MGMT: variants seen among roughly 807,000 people sequenced by gnomAD.
The protein encoded by MGMT is methylated-DNA--protein-cysteine methyltransferase.
Under a neutral mutation model 15.9 loss-of-function variants are expected in MGMT, and 14 were observed. That is an observed-to-expected ratio of 0.88 (90% confidence interval 0.58 to 1.37). MGMT has a LOEUF of 1.37. Among genes scored for constraint, MGMT ranks in the 40% most tolerant of loss-of-function variants. The pLI is 0.00. For synonymous variants in MGMT, 130 were observed against 118.2 expected, an observed-to-expected ratio of 1.10 and a Z score of -0.65; for missense variants, 282 against 268.1, an observed-to-expected ratio of 1.05 and a Z score of -0.36.
chr10:129,743,588 G>A (rs1848662478), intron 3 of MGMT, among the ~76,000 whole-genome samples: 1 of 152,204 alleles, frequency 6.6e-6, no homozygotes, highest in South Asian at 2.1e-4. Flanking sequence ...GCACCCTCAA[G>A]TGCAAGTGCG....
At chr10:129,606,578 G>C (rs1296531978) in intron 2 of MGMT, among the ~76,000 whole-genome samples, 1 of 152,216 alleles carries the variant, frequency 6.6e-6, no homozygotes, top group Non-Finnish European at 1.5e-5. Context: ...TGTTATTGCT[G>C]GAAGAAATTT....
chr10:129,610,283 T>G (rs893695264), intron 2 of MGMT, among the ~76,000 whole-genome samples: 2 of 152,236 alleles, frequency 1.3e-5, no homozygotes, highest in African/African-American at 4.8e-5. Flanking sequence ...TGGCAAAGGC[T>G]TCAAAATAGC....
intron 1 of MGMT, among the ~76,000 whole-genome samples, chr10:129,472,622 C>T (rs1845245216): frequency 6.6e-6 from 1 of 152,168 alleles, no homozygotes; most frequent in Non-Finnish European, 1.5e-5. Flanking sequence ...CAATCCTGTG[C>T]CCTTGAGCAG....
At chr10:129,606,439 GA>G (rs768744491) in intron 2 of MGMT, among the ~76,000 whole-genome samples, 4 of 152,170 alleles carry the variant, frequency 2.6e-5, no homozygotes, top group Admixed American at 6.5e-5. Flanking sequence ...CCGTATTAGG[GA>G]GCAAAGCGTG....
chr10:129,679,351 C>A (rs1420807320), intron 2 of MGMT, among the ~76,000 whole-genome samples: 2 of 150,936 alleles, frequency 1.3e-5, no homozygotes, highest in East Asian at 3.9e-4. Flanking sequence ...GTCCGAGTCG[C>A]TGTGGGACCC....
At chr10:129,744,762 G>A (rs571609477) in intron 3 of MGMT, among the ~76,000 whole-genome samples, 4 of 152,234 alleles carry the variant, frequency 2.6e-5, no homozygotes, top group Admixed American at 1.3e-4. Context: ...ATCGCCAGCC[G>A]TGTGCGCAAG....
chr10:129,515,724 A>G (rs992314355), intron 1 of MGMT, among the ~76,000 whole-genome samples: 2 of 152,186 alleles, frequency 1.3e-5, no homozygotes, highest in Non-Finnish European at 1.5e-5. Context: ...CCTCAAGGGA[A>G]GAAAGCTAGC....
At chr10:129,664,081 C>T (rs762384170) in intron 2 of MGMT, among the ~76,000 whole-genome samples, 9 of 151,982 alleles carry the variant, frequency 5.9e-5, no homozygotes, top group African/African-American at 9.7e-5. Context: ...GAATAGATTC[C>T]GACACCTCAT....
chr10:129,562,385 G>T (rs1846291142), intron 2 of MGMT, among the ~76,000 whole-genome samples: 1 of 152,244 alleles, frequency 6.6e-6, no homozygotes. Context: ...ACAGTGGGCT[G>T]CCATGGCCCT....
intron 2 of MGMT, among the ~76,000 whole-genome samples, chr10:129,586,012 G>A (rs1846613843): frequency 6.6e-6 from 1 of 152,192 alleles, no homozygotes; most frequent in Non-Finnish European, 1.5e-5. Flanking sequence ...CGACAGAAGG[G>A]CGGGGGTGTG....
chr10:129,585,034 A>C, intron 2 of MGMT, among the ~76,000 whole-genome samples: 1 of 152,190 alleles, frequency 6.6e-6, no homozygotes, highest in Admixed American at 6.5e-5. Context: ...TTGCATGTTT[A>C]GCATTTTGAA....
At chr10:129,730,063 C>T (rs1229470286) in intron 3 of MGMT, among the ~76,000 whole-genome samples, 1 of 152,168 alleles carries the variant, frequency 6.6e-6, no homozygotes, top group African/African-American at 2.4e-5. Context: ...CTGGTAAAGC[C>T]AGCACGACTT....
intron 3 of MGMT, among the ~76,000 whole-genome samples, chr10:129,727,021 T>C (rs1428527175): frequency 2.0e-5 from 3 of 152,208 alleles, no homozygotes; most frequent in Non-Finnish European, 2.9e-5. Context: ...AGTGAAGTCA[T>C]AGATGAAGTT....
intron 2 of MGMT, among the ~76,000 whole-genome samples, chr10:129,569,466 C>G (rs1313188946): frequency 6.6e-6 from 1 of 152,210 alleles, no homozygotes; most frequent in Non-Finnish European, 1.5e-5. Context: ...GACTGGTCTT[C>G]CAGAGGATAT....
intron 2 of MGMT, among the ~76,000 whole-genome samples, chr10:129,608,366 C>T (rs938076265): frequency 1.2e-4 from 19 of 152,364 alleles, no homozygotes; most frequent in African/African-American, 3.8e-4. Flanking sequence ...TCCGGGTTTG[C>T]GCCGCAGCTG....
At chr10:129,716,691 G>T (rs974187345) in intron 3 of MGMT, among the ~76,000 whole-genome samples, 7 of 152,152 alleles carry the variant, frequency 4.6e-5, no homozygotes, top group Non-Finnish European at 8.8e-5. Context: ...TTTTCCCCAA[G>T]AATTGGGCCT....
At chr10:129,520,909 A>G (rs35005541) in intron 1 of MGMT, among the ~76,000 whole-genome samples, 36,498 of 132,864 alleles carry the variant, frequency 0.27, 5,419 homozygotes, top group African/African-American at 0.46. Context: ...TATGGTGTGC[A>G]TACAGAACCC....
chr10:129,626,757 G>A (rs1012162145), intron 2 of MGMT, among the ~76,000 whole-genome samples: 1 of 152,228 alleles, frequency 6.6e-6, no homozygotes, highest in Non-Finnish European at 1.5e-5. Context: ...AGCGCCTTAC[G>A]TAAAGCAACA....
intron 1 of MGMT, among the ~76,000 whole-genome samples, chr10:129,528,368 C>T (rs1044665189): frequency 6.0e-5 from 9 of 150,842 alleles, no homozygotes; most frequent in African/African-American, 2.2e-4. Flanking sequence ...TGGAGAGCTG[C>T]GGTGGTGTAG....
Sources: allele counts gnomAD v4.1 joint callset (sites outside exome capture counted in the v4.1 genomes callset), GRCh38; gene constraint gnomAD v4.1.1; transcripts MANE v1.5; gene names NCBI Gene and HGNC (gene_info 2026-07-23, HGNC 2026-07-21).